Variants in ATP10D observed in about 807,000 individuals in gnomAD.
ATP10D encodes ATPase phospholipid transporting 10D (putative).
Under a neutral mutation model 144.8 loss-of-function variants are expected in ATP10D, and 89 were observed. That is an observed-to-expected ratio of 0.61 (90% confidence interval 0.52 to 0.73). The LOEUF is 0.73. Among genes scored for constraint, ATP10D ranks in the 30% least tolerant of loss-of-function variants. The probability of loss-of-function intolerance (pLI) is 0.00; values close to 1 mark genes in which losing one functional copy is unlikely to be tolerated. For missense variants in ATP10D, 1,603 were observed against 1,714.8 expected, an observed-to-expected ratio of 0.93 and a Z score of 1.15; for synonymous variants, 571 against 615.1, an observed-to-expected ratio of 0.93 and a Z score of 1.06.
chr4:47,546,900 C>T (rs1308647013), intron 10 of ATP10D, 38 bp downstream of exon 10: 2 of 1,557,068 alleles, frequency 1.3e-6, no homozygotes, highest in Non-Finnish European at 1.8e-6. Flanking sequence ...TGCACATCCA[C>T]AATGTATGAT....
chr4:47,573,088 T>C, intron 18 of ATP10D, 91 bp downstream of exon 18: 3 of 1,449,016 alleles, frequency 2.1e-6, no homozygotes, highest in Non-Finnish European at 2.8e-6. Flanking sequence ...TATGCTAAGC[T>C]CACTTTCCTT....
chr4:47,565,250 G>C (rs978868421), intron 15 of ATP10D, among the ~76,000 whole-genome samples: 4 of 152,134 alleles, frequency 2.6e-5, no homozygotes, highest in African/African-American at 7.2e-5. Context: ...GTGAGCCACC[G>C]CGCCCGGCCT....
intron 22 of ATP10D, among the ~76,000 whole-genome samples, chr4:47,589,394 A>G (rs1447950282): frequency 6.6e-6 from 1 of 152,170 alleles, no homozygotes; most frequent in Non-Finnish European, 1.5e-5. Context: ...AATGCCTAAA[A>G]CTGTGGAAGT....
intron 1 of ATP10D, among the ~76,000 whole-genome samples, chr4:47,509,903 G>T (rs903623747): frequency 1.3e-5 from 2 of 151,708 alleles, no homozygotes; most frequent in African/African-American, 4.8e-5. Flanking sequence ...CATTGCAGGT[G>T]GTAAGGGTAA....
At position 47,559,049 on chromosome 4, in the gene ATP10D, T is replaced by G. The variant is rs369355293; in HGVS notation, c.2541+20T>G. 7 of 1,583,664 alleles carry G rather than the reference T, an allele frequency of 4.4e-6. No individual in the cohort carries two copies. Among genetic ancestry groups the G allele is most frequent in the Non-Finnish European group, 6.1e-6 (7 of 1,155,368 alleles). ...AAGAAGGTGAGACTGCTTAGTGCGCTCCATCTTTTTTGTTTTTTCCCTTGT... is the reference window on the plus strand; with the variant it reads ...AAGAAGGTGAGACTGCTTAGTGCGCGCCATCTTTTTTGTTTTTTCCCTTGT... On this transcript the variant is annotated intron_variant, in intron 13 of 22. Coordinates refer to ENST00000273859, the MANE Select transcript of ATP10D (RefSeq NM_020453.4).
intron 21 of ATP10D, among the ~76,000 whole-genome samples, chr4:47,586,335 A>G (rs1368548822): frequency 6.6e-6 from 1 of 152,250 alleles, no homozygotes; most frequent in Non-Finnish European, 1.5e-5. Context: ...ACACGCAAAC[A>G]TTTATTTCTT....
chr4:47,583,329 T>G (rs1720621393), intron 21 of ATP10D: 1 of 152,232 alleles, frequency 6.6e-6, no homozygotes, highest in Non-Finnish European at 1.5e-5. Context: ...AACCAGTTTT[T>G]GGGTTATGTT....
At position 47,496,176 on chromosome 4, in the gene ATP10D, A is replaced by C. The variant is rs1388889122; in HGVS notation, c.-38+10657A>C. Among the ~76,000 whole-genome samples the C allele has an allele frequency of 6.8e-4, 36 of 53,080 alleles. 1 individual carries two copies. Among genetic ancestry groups the C allele is most frequent in the African/African-American group, 2.5e-3 (35 of 13,988 alleles). The allele number at this position is 53,080 out of a possible 152,430, so 34.8% of individuals were successfully genotyped here. A position where few individuals can be genotyped will look rare whatever the true frequency, so the allele number is the denominator to read the frequency against. On this transcript the variant is annotated intron_variant, in intron 1 of 22. Transcript: ENST00000273859. ...TTTTTCTTTTTTTTTTTTTTTTTTG[A>C]GACGGAGTTTCACTCTTGTGGCCCA...
chr4:47,490,877 C>A, intron 1 of ATP10D: 1 of 384,040 alleles, frequency 2.6e-6, no homozygotes, highest in Non-Finnish European at 4.8e-6. Flanking sequence ...CCAGATGAGT[C>A]GTCCTTCCTT....
Position 47,557,757 on chromosome 4 carries a change from C to T in ATP10D, c.1918C>T (p.Pro640Ser). The T allele has an allele frequency of 1.9e-6, 3 of 1,614,214 alleles. No individual in the cohort carries two copies. Among genetic ancestry groups the T allele is most frequent in the Non-Finnish European group, 2.5e-6 (3 of 1,180,038 alleles). ...QRWSVRRSSS[P>S]SLNSGKEPSS... ...ATGGTCTGTCCGAAGATCAAGTTCT[C>T]CATCGCTTAACAGTGGGAAAGAGCC... The change falls in exon 12 of 23, where the codon CCA (proline) becomes TCA (serine). Residue 640 changes from proline to serine, a missense_variant. Coordinates refer to ENST00000273859, the MANE Select transcript of ATP10D (RefSeq NM_020453.4).
At chr4:47,542,010 A>G (rs938947486) in intron 9 of ATP10D, among the ~76,000 whole-genome samples, 1 of 152,046 alleles carries the variant, frequency 6.6e-6, no homozygotes, top group African/African-American at 2.4e-5. Flanking sequence ...GGTAAGTATT[A>G]AGAAATATTA....
Position 47,546,682 on chromosome 4 carries a change from A to C in ATP10D, c.1455A>C (p.Thr485=). ...CTGAAGATGAAGATTTTATAGACAC[A>C]GTCAGTGGTTCCCTCAGCAATATGG... ...AVSEDEDFID[T]VSGSLSNMAK... The change falls in exon 10 of 23, where the codon ACA becomes ACC. Residue 485 remains threonine (T), a synonymous_variant. Transcript: ENST00000273859. 6.2e-7 allele frequency: 1 copy of C among 1,614,146 alleles called. No individual in the cohort carries two copies. Among genetic ancestry groups the C allele is most frequent in the Non-Finnish European group, 8.5e-7 (1 of 1,179,976 alleles).
At chr4:47,496,156 CTT>C (rs5858072) in intron 1 of ATP10D, among the ~76,000 whole-genome samples, 4 of 132,922 alleles carry the variant, frequency 3.0e-5, no homozygotes, top group Admixed American at 8.0e-5. Context: ...TTTCCTTTTT[CTT>C]TTTTTTTTTT....
At chr4:47,526,899 C>G (rs1313856664) in intron 5 of ATP10D, among the ~76,000 whole-genome samples, 1 of 152,108 alleles carries the variant, frequency 6.6e-6, no homozygotes, top group African/African-American at 2.4e-5. Flanking sequence ...CCAGATTTAT[C>G]TATAGAGTCA....
intron 19 of ATP10D, among the ~76,000 whole-genome samples, chr4:47,579,657 A>C (rs904343848): frequency 7.2e-5 from 11 of 152,250 alleles, no homozygotes; most frequent in African/African-American, 2.7e-4. Context: ...AGAATGAAAA[A>C]GGTCCATGTT....
rs1360918932 is a variant in ATP10D at position 47,580,494 on chromosome 4, C to T, written c.3648+16C>T. ...GCCTTATTTTGTGAGTCTTTGTTCA[C>T]TCAGTATATTTGTTATTAATGAATC... is the stretch of plus-strand genomic sequence containing the variant. On this transcript the variant is annotated intron_variant, in intron 20 of 22. Transcript: ENST00000273859. 2 of 1,595,522 alleles carry T rather than the reference C, an allele frequency of 1.3e-6. No individual in the cohort carries two copies. Among genetic ancestry groups the T allele is most frequent in the Non-Finnish European group, 8.6e-7 (1 of 1,163,402 alleles).
At chr4:47,507,522 T>C (rs1716082096) in intron 1 of ATP10D, among the ~76,000 whole-genome samples, 1 of 152,226 alleles carries the variant, frequency 6.6e-6, no homozygotes, top group African/African-American at 2.4e-5. Context: ...TAAAAGTGAA[T>C]GCTTCTGTTT....
At chr4:47,530,020 C>G (rs1717478705) in intron 5 of ATP10D, among the ~76,000 whole-genome samples, 1 of 152,142 alleles carries the variant, frequency 6.6e-6, no homozygotes, top group South Asian at 2.1e-4. Flanking sequence ...ACCAAAGTTG[C>G]TTATCAAGTA....
chr4:47,543,836 T>TAC (rs756459559), intron 9 of ATP10D, among the ~76,000 whole-genome samples: 34,900 of 104,864 alleles, frequency 0.33, 4,033 homozygotes, highest in Admixed American at 0.41. Flanking sequence ...ATATATTATG[T>TAC]ACACACACAC....
Sources: gnomAD v4.1 joint callset for allele counts (sites outside exome capture counted in the v4.1 genomes callset) on GRCh38, gnomAD v4.1.1 for gene constraint, MANE v1.5 for transcripts, NCBI Gene and HGNC (gene_info 2026-07-23, HGNC 2026-07-21) for gene names.